The following IL1RAPL2 variants were observed in gnomAD, a reference collection of about 807,000 sequenced individuals.
IL1RAPL2 encodes the protein interleukin 1 receptor accessory protein like 2.
Under a neutral mutation model 44.1 loss-of-function variants are expected in IL1RAPL2, and 3 were observed. The observed-to-expected ratio is 0.07, with a 90% CI of 0.03 to 0.18. The LOEUF (loss-of-function observed/expected upper bound fraction) is 0.18, where lower values mean the gene tolerates loss of function less well. IL1RAPL2 is among the 10% of genes least tolerant of loss of function. IL1RAPL2 has a pLI of 1.00. For missense variants in IL1RAPL2, 391 were observed against 496.4 expected (o/e 0.79, Z 2.02); for synonymous variants, 181 against 178.8 (o/e 1.01, Z -0.10).
chrX:104,830,413 A>G (rs1159258077), intron 2 of IL1RAPL2, among the ~76,000 whole-genome samples: 2 of 111,832 alleles, frequency 1.8e-5, no homozygotes, highest in South Asian at 7.6e-4. Context: ...TCCTGTCACT[A>G]TCTTACTAGG....
intron 2 of IL1RAPL2, among the ~76,000 whole-genome samples, chrX:105,067,488 CTAT>C (rs2032152251): frequency 8.1e-5 from 9 of 111,577 alleles, no homozygotes; most frequent in Non-Finnish European, 1.5e-4. Context: ...TTAACAAGTA[CTAT>C]TTGTCAGGCA....
At chrX:105,725,211 C>T (rs926112520) in intron 7 of IL1RAPL2, among the ~76,000 whole-genome samples, 2 of 111,612 alleles carry the variant, frequency 1.8e-5, no homozygotes, top group South Asian at 3.7e-4. Context: ...CTTTACAAAT[C>T]GCCCTATCAA....
chrX:104,757,134 G>A (rs1932353477), intron 2 of IL1RAPL2, among the ~76,000 whole-genome samples: 1 of 111,732 alleles, frequency 8.9e-6, no homozygotes, highest in Non-Finnish European at 1.9e-5. Context: ...GAAGCAGAGA[G>A]AACAGTTAGG....
chrX:104,968,825 T>G (rs2030176039), intron 2 of IL1RAPL2, among the ~76,000 whole-genome samples: 1 of 111,429 alleles, frequency 9.0e-6, no homozygotes, highest in Admixed American at 9.6e-5. Context: ...AAATATAAGA[T>G]TTTATTGAGA....
intron 2 of IL1RAPL2, among the ~76,000 whole-genome samples, chrX:105,074,121 CTA>C (rs1453862748): frequency 6.3e-5 from 7 of 111,510 alleles, no homozygotes; most frequent in South Asian, 3.7e-4. Flanking sequence ...TTGCCCATGC[CTA>C]TGTCCTGAAT....
At chrX:105,681,810 C>T (rs1250141289) in intron 6 of IL1RAPL2, among the ~76,000 whole-genome samples, 1 of 111,623 alleles carries the variant, frequency 9.0e-6, no homozygotes, top group Non-Finnish European at 1.9e-5. Context: ...ATTCTTGCTC[C>T]ATAAGATCTT....
At chrX:105,719,379 G>A (rs924274305) in intron 7 of IL1RAPL2, among the ~76,000 whole-genome samples, 4 of 111,655 alleles carry the variant, frequency 3.6e-5, no homozygotes, top group East Asian at 2.8e-4. Flanking sequence ...GGTGCTTAGC[G>A]CCAGTGGGGA....
At chrX:104,820,609 C>A (rs1245067595) in intron 2 of IL1RAPL2, among the ~76,000 whole-genome samples, 1 of 111,667 alleles carries the variant, frequency 9.0e-6, no homozygotes, top group Non-Finnish European at 1.9e-5. Context: ...TAACTCAGTA[C>A]AACATTTCTG....
At position 105,762,333 on chromosome X, in the gene IL1RAPL2, T is replaced by C. The variant is rs566955090; in HGVS notation, c.1364-4631T>C. 2.7e-5 allele frequency among the ~76,000 whole-genome samples: 3 copies of C among 111,938 alleles called. No homozygotes were observed. In the South Asian group the frequency reaches 1.1e-3, roughly 41 times the overall value. ...TTTCTTTGCTTTTTACAAATACTGG[T>C]GCTACTGGCATGATGTTTTTTTCAT... is the stretch of plus-strand genomic sequence containing the variant. On this transcript the variant is annotated intron_variant, in intron 10 of 10. Coordinates refer to ENST00000372582, the MANE Select transcript of IL1RAPL2 (RefSeq NM_017416.2).
At chrX:105,483,116 C>G (rs1194194534) in intron 5 of IL1RAPL2, among the ~76,000 whole-genome samples, 1 of 108,632 alleles carries the variant, frequency 9.2e-6, no homozygotes, top group Non-Finnish European at 1.9e-5. Context: ...CCACACACTG[C>G]AGCATTGTTT....
At chrX:105,358,157 T>C (rs2035218701) in intron 5 of IL1RAPL2, among the ~76,000 whole-genome samples, 1 of 109,920 alleles carries the variant, frequency 9.1e-6, no homozygotes, top group Non-Finnish European at 1.9e-5. Context: ...GTGGTAATTG[T>C]TGTTGGTATC....
intron 1 of IL1RAPL2, 105 bp downstream of exon 1, chrX:104,567,156 A>G (rs1928052284): frequency 8.9e-6 from 1 of 112,983 alleles, no homozygotes; most frequent in Admixed American, 9.2e-5. Context: ...TGGAGGCTTT[A>G]TCTTTCCTGC....
At chrX:105,544,099 C>T (rs986232797) in intron 6 of IL1RAPL2, among the ~76,000 whole-genome samples, 1 of 111,777 alleles carries the variant, frequency 8.9e-6, no homozygotes. Flanking sequence ...CTCTCAACAA[C>T]ATTTTGTAGT....
At chrX:104,946,379 CAAAAAAAAAAAAAA>C (rs1157603029) in intron 2 of IL1RAPL2, among the ~76,000 whole-genome samples, 9 of 9,140 alleles carry the variant, frequency 9.8e-4, no homozygotes, top group South Asian at 0.026. Flanking sequence ...GACTCCGTCT[CAAAAAAAAAAAAAA>C]AAAAAAAAAA....
At chrX:104,871,667 T>G (rs1433418827) in intron 2 of IL1RAPL2, among the ~76,000 whole-genome samples, 1 of 111,344 alleles carries the variant, frequency 9.0e-6, no homozygotes, top group East Asian at 2.8e-4. Context: ...CAGGAAGATC[T>G]TGGAAGGATT....
At chrX:105,038,646 A>T (rs1486571790) in intron 2 of IL1RAPL2, among the ~76,000 whole-genome samples, 1 of 110,757 alleles carries the variant, frequency 9.0e-6, no homozygotes. Context: ...TTCATCGCCT[A>T]TGTAATAAGC....
intron 3 of IL1RAPL2, among the ~76,000 whole-genome samples, chrX:105,196,281 C>CAAAAAAGA (rs1224955041): frequency 9.1e-6 from 1 of 110,092 alleles, no homozygotes; most frequent in East Asian, 2.8e-4. Flanking sequence ...GACTCCATCT[C>CAAAAAAGA]AAAAAAGAAA....
At chrX:104,757,015 G>T (rs774437960) in intron 2 of IL1RAPL2, among the ~76,000 whole-genome samples, 8 of 110,345 alleles carry the variant, frequency 7.2e-5, no homozygotes, top group Non-Finnish European at 1.5e-4. Context: ...TAAAAATCTT[G>T]GTCTTCTATC....
At chrX:105,644,847 G>A (rs1230377236) in intron 6 of IL1RAPL2, among the ~76,000 whole-genome samples, 1 of 110,905 alleles carries the variant, frequency 9.0e-6, no homozygotes, top group East Asian at 2.9e-4. Flanking sequence ...ACTTATGAGT[G>A]AGAACATGCA....
Sources: allele counts gnomAD v4.1 joint callset (sites outside exome capture counted in the v4.1 genomes callset), GRCh38; gene constraint gnomAD v4.1.1; transcripts MANE v1.5; gene names NCBI Gene and HGNC (gene_info 2026-07-23, HGNC 2026-07-21).